Variants in MOXD1 observed in about 807,000 individuals in gnomAD.
The protein encoded by MOXD1 is monooxygenase DBH like 1, also known as DBH-like monooxygenase protein 1.
MOXD1 carries 62 observed loss-of-function variants against 66.6 expected under a neutral mutation model. The ratio of observed to expected loss-of-function variants is 0.93; its 90% confidence interval spans 0.76 to 1.15. The LOEUF is 1.15. MOXD1 is among the 50% of genes most tolerant of loss of function. The probability of loss-of-function intolerance (pLI) is 0.00; values close to 1 mark genes in which losing one functional copy is unlikely to be tolerated. For synonymous variants in MOXD1, 303 were observed against 281.9 expected, an observed-to-expected ratio of 1.07 and a Z score of -0.75; for missense variants, 847 against 754.6, an observed-to-expected ratio of 1.12 and a Z score of -1.44.
At chr6:132,309,797 C>G (rs186654303) in intron 10 of MOXD1, among the ~76,000 whole-genome samples, 48 of 152,284 alleles carry the variant, frequency 3.2e-4, no homozygotes, top group African/African-American at 1.1e-3. Context: ...ACTGCTTAGC[C>G]ATAGGCTGAA....
chr6:132,353,923 C>T (rs1046123851), intron 4 of MOXD1, among the ~76,000 whole-genome samples: 9 of 151,956 alleles, frequency 5.9e-5, no homozygotes, highest in African/African-American at 9.7e-5. Flanking sequence ...CTTTGAGCTC[C>T]GAATTTCTTT....
intron 1 of MOXD1, among the ~76,000 whole-genome samples, chr6:132,396,963 A>G (rs1562303042): frequency 6.6e-6 from 1 of 152,254 alleles, no homozygotes; most frequent in African/African-American, 2.4e-5. Context: ...CGTGATGTTC[A>G]GATAGAGTCT....
At chr6:132,380,989 A>G (rs1776497180) in intron 1 of MOXD1, among the ~76,000 whole-genome samples, 1 of 152,218 alleles carries the variant, frequency 6.6e-6, no homozygotes, top group Non-Finnish European at 1.5e-5. Flanking sequence ...ACTATTTTAA[A>G]TCCTTTTACA....
At chr6:132,375,121 T>C in intron 1 of MOXD1, 1 of 352,496 alleles carries the variant, frequency 2.8e-6, no homozygotes, top group Non-Finnish European at 5.1e-6. Context: ...TTTGCATTTA[T>C]ACAAAAAAAG....
At position 132,328,549 on chromosome 6, in the gene MOXD1, T is replaced by G. The variant is rs751084583; in HGVS notation, c.709A>C (p.Ile237Leu). The G allele has an allele frequency of 2.5e-6, 4 of 1,614,030 alleles. No homozygotes were observed. The highest frequency in any genetic ancestry group is 2.7e-5 in the African/African-American group (2 of 74,920). ...TTGTTGCTGCACTGATAGAGCAGGA[T>G]GTGGTGCACCAGACTCTCATGGCCT... is the stretch of plus-strand genomic sequence containing the variant. The part of the protein sequence containing the change: ...QRGHESLVHH[I>L]LLYQCSNNFN... Residue 237 changes from isoleucine to leucine, a missense_variant, in exon 5 of 12, where the codon ATC becomes CTC. Ile to Leu is a conservative substitution (Grantham distance 5). Coordinates refer to ENST00000367963, the MANE Select transcript of MOXD1 (RefSeq NM_015529.4).
intron 10 of MOXD1, among the ~76,000 whole-genome samples, chr6:132,311,084 GGAAAA>G (rs1774819622): frequency 2.0e-5 from 3 of 152,202 alleles, no homozygotes; most frequent in South Asian, 4.1e-4. Flanking sequence ...TACAAGTAAA[GGAAAA>G]ATTCCTCCAT....
intron 4 of MOXD1, among the ~76,000 whole-genome samples, chr6:132,334,054 T>G (rs1775386919): frequency 6.6e-6 from 1 of 152,208 alleles, no homozygotes; most frequent in South Asian, 2.1e-4. Context: ...AAGCTGACCT[T>G]GACAACGACC....
intron 4 of MOXD1, among the ~76,000 whole-genome samples, chr6:132,340,484 G>T (rs1251142710): frequency 2.0e-5 from 3 of 147,474 alleles, no homozygotes; most frequent in African/African-American, 5.0e-5. Context: ...ATAGGTTAAG[G>T]TGGAAATTTT....
At chr6:132,359,062 T>C (rs1286797942) in intron 4 of MOXD1, among the ~76,000 whole-genome samples, 2 of 152,056 alleles carry the variant, frequency 1.3e-5, no homozygotes, top group Admixed American at 6.6e-5. Context: ...AGGGAAGACC[T>C]TGTCATTTCC....
chr6:132,311,335 A>G (rs983455740), intron 10 of MOXD1, among the ~76,000 whole-genome samples: 3 of 152,136 alleles, frequency 2.0e-5, no homozygotes, highest in Non-Finnish European at 4.4e-5. Flanking sequence ...TGATTTATCT[A>G]ATCAAGTCAT....
At chr6:132,299,320 G>T (rs957442875) in intron 10 of MOXD1, among the ~76,000 whole-genome samples, 3 of 152,050 alleles carry the variant, frequency 2.0e-5, no homozygotes, top group African/African-American at 7.2e-5. Flanking sequence ...CTACCTGTTG[G>T]GTGCCTGGCT....
At chr6:132,344,971 G>A (rs1016834375) in intron 4 of MOXD1, among the ~76,000 whole-genome samples, 1 of 152,134 alleles carries the variant, frequency 6.6e-6, no homozygotes, top group East Asian at 1.9e-4. Flanking sequence ...CAAACAGCAG[G>A]TGCAAAAGGA....
At chr6:132,388,571 C>T (rs552523995) in intron 1 of MOXD1, among the ~76,000 whole-genome samples, 3 of 151,524 alleles carry the variant, frequency 2.0e-5, no homozygotes, top group Admixed American at 6.6e-5. Flanking sequence ...CCTCCTCCTC[C>T]CTTCTGCAAC....
chr6:132,297,415 G>C (rs1398547585), intron 11 of MOXD1, 98 bp from the exon 12 acceptor site: 17 of 1,274,624 alleles, frequency 1.3e-5, no homozygotes, highest in Middle Eastern at 2.0e-4. Flanking sequence ...GGGGATAAAG[G>C]GGGCAGGAGT....
intron 10 of MOXD1, among the ~76,000 whole-genome samples, chr6:132,312,395 A>G (rs1188195722): frequency 2.0e-5 from 3 of 152,192 alleles, no homozygotes; most frequent in Admixed American, 2.0e-4. Flanking sequence ...GCAAAACAGA[A>G]AAAAAGCACC....
intron 10 of MOXD1, among the ~76,000 whole-genome samples, chr6:132,304,782 T>C (rs73544073): frequency 0.048 from 7,249 of 151,910 alleles, 549 homozygotes; most frequent in African/African-American, 0.16. Context: ...AAATGGAAAA[T>C]AAAGCCACAA....
intron 4 of MOXD1, among the ~76,000 whole-genome samples, chr6:132,349,410 T>TATATATATACATATATATATAC (rs1562289904): frequency 2.4e-5 from 2 of 82,672 alleles, no homozygotes; most frequent in African/African-American, 1.5e-4. Flanking sequence ...TATATACATA[T>TATATATATACATATATATATAC]ATATATATAT....
intron 8 of MOXD1, among the ~76,000 whole-genome samples, chr6:132,321,763 T>G (rs916161985): frequency 1.5e-4 from 23 of 152,198 alleles, no homozygotes; most frequent in Admixed American, 5.2e-4. Context: ...AGTGTAGTCC[T>G]TAAGAACCTT....
At chr6:132,348,581 C>T (rs1384121658) in intron 4 of MOXD1, among the ~76,000 whole-genome samples, 1 of 152,092 alleles carries the variant, frequency 6.6e-6, no homozygotes, top group African/African-American at 2.4e-5. Flanking sequence ...CTCAGGTATG[C>T]AGCCATAAAA....
Sources: allele counts gnomAD v4.1 joint callset (sites outside exome capture counted in the v4.1 genomes callset), GRCh38; gene constraint gnomAD v4.1.1; transcripts MANE v1.5; gene names NCBI Gene and HGNC (gene_info 2026-07-23, HGNC 2026-07-21).